The following FRMD3 variants were observed in gnomAD, a reference collection of about 807,000 sequenced individuals.
The protein encoded by FRMD3 is FERM domain-containing protein 3.
FRMD3 carries 33 observed loss-of-function variants against 70.2 expected under a neutral mutation model. The ratio of observed to expected loss-of-function variants is 0.47; its 90% CI spans 0.36 to 0.63. The LOEUF is 0.63. Among genes scored for constraint, FRMD3 ranks in the 20% least tolerant of loss-of-function variants. FRMD3 has a pLI of 0.00. For synonymous variants in FRMD3, 279 were observed against 255.9 expected (o/e 1.09, Z -0.86); for missense variants, 632 against 711.4 (o/e 0.89, Z 1.27).
chr9:83,423,601 TTTTTTTTTTTTTG>T, intron 1 of FRMD3, among the ~76,000 whole-genome samples: 1 of 136,956 alleles, frequency 7.3e-6, no homozygotes. Flanking sequence ...TTTTTTTTTT[TTTTTTTTTTTTTG>T]AGATGGAGTT....
chr9:83,269,303 A>G (rs1833434000), intron 13 of FRMD3, among the ~76,000 whole-genome samples: 1 of 152,230 alleles, frequency 6.6e-6, no homozygotes, highest in Non-Finnish European at 1.5e-5. Context: ...TCCAAAGACA[A>G]AAGAGAAAAC....
intron 1 of FRMD3, among the ~76,000 whole-genome samples, chr9:83,485,760 AC>A (rs1828673222): frequency 6.6e-6 from 1 of 152,194 alleles, no homozygotes; most frequent in East Asian, 1.9e-4. Context: ...TGAAGACCCA[AC>A]TTTCAACTCC....
At chr9:83,454,950 G>A (rs1587869911) in intron 1 of FRMD3, among the ~76,000 whole-genome samples, 1 of 141,526 alleles carries the variant, frequency 7.1e-6, no homozygotes, top group East Asian at 2.0e-4. Context: ...ATCACAGTAA[G>A]ATCCTGTCTC....
chr9:83,554,327 G>A, the FRMD3 span, among the ~76,000 whole-genome samples: 11 of 152,212 alleles, frequency 7.2e-5, no homozygotes, highest in South Asian at 2.1e-4. Context: ...AGCATTCATC[G>A]GCTGCTCACT....
At chr9:83,448,676 GA>G (rs376656304) in intron 1 of FRMD3, among the ~76,000 whole-genome samples, 14 of 150,724 alleles carry the variant, frequency 9.3e-5, no homozygotes, top group African/African-American at 2.2e-4. Context: ...CACAGAGCGG[GA>G]AAAAAAAATG....
In FRMD3 at chr9:83,309,545, G is replaced by A; in HGVS notation, c.917C>T (p.Ala306Val). ...HLWKCGVENQ[A>V]FYKYAKSSQI... is the part of the protein sequence containing the mutation. ...AATAAAAGCCACTTACTTATAAAAG[G>A]CCTGGTTTTCCACTCCACACTTCCA... The change falls in exon 10 of 14, where the codon GCC becomes GTC. Residue 306 changes from alanine (A) to valine (V), a missense_variant. Coordinates refer to ENST00000304195, the MANE Select transcript of FRMD3 (RefSeq NM_174938.6). The A allele has an allele frequency of 6.3e-7, 1 of 1,580,834 alleles. No homozygotes were observed. The highest frequency in any genetic ancestry group is 8.6e-7 in the Non-Finnish European group (1 of 1,161,938).
Position 83,248,447 on chromosome 9 carries a change from C to G in FRMD3, c.1265G>C (p.Arg422Pro). 6.2e-7 allele frequency: 1 copy of G among 1,613,986 alleles called. No homozygotes were observed. Among genetic ancestry groups the G allele is most frequent in the Non-Finnish European group, 8.5e-7 (1 of 1,180,018 alleles). Residue 422 changes from arginine to proline, a missense_variant, in exon 14 of 14, where the codon CGG (arginine) becomes CCG (proline). Around this residue, in one of 3 missense-constraint regions of FRMD3, gnomAD observed 418 missense variants for 442.1 expected, o/e 0.95. Transcript: ENST00000304195. ...TTCACTAGGGGGATCTTCATACTCC[C>G]GGGCTGCCTTCACTGGGGAGCTGGA... is the stretch of plus-strand genomic sequence containing the variant. ...LISSSPVKAA[R>P]EYEDPPSEEE... is the part of the protein sequence containing the mutation.
chr9:83,570,455 G>C, the FRMD3 span, among the ~76,000 whole-genome samples: 4 of 152,176 alleles, frequency 2.6e-5, no homozygotes, highest in South Asian at 6.2e-4. Flanking sequence ...GTTTTCTACT[G>C]TTGCATAACA....
intron 1 of FRMD3, among the ~76,000 whole-genome samples, chr9:83,524,152 T>C (rs1245848076): frequency 1.3e-5 from 2 of 152,258 alleles, no homozygotes; most frequent in Non-Finnish European, 1.5e-5. Flanking sequence ...ATTGCTAGAT[T>C]TTGACTTTCA....
intron 1 of FRMD3, among the ~76,000 whole-genome samples, chr9:83,520,970 CAAAAAAAAAA>C (rs144061788): frequency 7.1e-5 from 4 of 56,154 alleles, no homozygotes; most frequent in African/African-American, 2.7e-4. Flanking sequence ...ACTAAAAATA[CAAAAAAAAAA>C]AAAAAAAAAA....
chr9:83,347,092 A>G (rs1418330874), intron 4 of FRMD3, among the ~76,000 whole-genome samples: 1 of 152,234 alleles, frequency 6.6e-6, no homozygotes, highest in Non-Finnish European at 1.5e-5. Flanking sequence ...TCAAATAACT[A>G]TTTATTGATA....
intron 13 of FRMD3, among the ~76,000 whole-genome samples, chr9:83,250,742 T>C (rs147347971): frequency 1.3e-5 from 2 of 152,306 alleles, no homozygotes; most frequent in Non-Finnish European, 2.9e-5. Flanking sequence ...TCTTGCCAGA[T>C]TGTGGCTGGA....
chr9:83,462,736 C>T (rs1319581426), intron 1 of FRMD3, among the ~76,000 whole-genome samples: 2 of 152,132 alleles, frequency 1.3e-5, no homozygotes, highest in East Asian at 1.9e-4. Flanking sequence ...CCAGCAATTT[C>T]GGCTGCCTCC....
chr9:83,523,986 T>C (rs1829634178), intron 1 of FRMD3, among the ~76,000 whole-genome samples: 1 of 152,256 alleles, frequency 6.6e-6, no homozygotes, highest in South Asian at 2.1e-4. Flanking sequence ...ACCTGAAGTG[T>C]ATTTTCCATC....
At chr9:83,448,785 C>T (rs1018366021) in intron 1 of FRMD3, among the ~76,000 whole-genome samples, 6 of 152,174 alleles carry the variant, frequency 3.9e-5, no homozygotes, top group African/African-American at 9.7e-5. Context: ...ACAAATTTCA[C>T]GTTACCTTGG....
chr9:83,582,477 G>A, the FRMD3 span, among the ~76,000 whole-genome samples: 2 of 152,032 alleles, frequency 1.3e-5, no homozygotes, highest in African/African-American at 2.4e-5. Flanking sequence ...AATAAAGAGT[G>A]GTCTTTTTAT....
At chr9:83,264,183 A>G (rs1319370501) in intron 13 of FRMD3, among the ~76,000 whole-genome samples, 1 of 152,222 alleles carries the variant, frequency 6.6e-6, no homozygotes, top group Non-Finnish European at 1.5e-5. Context: ...GCTTATATGC[A>G]TATTATTCAG....
rs1474917150 is a variant in FRMD3, at chr9:83,372,916, T to C, written c.292A>G (p.Lys98Glu). ...EPNKSIFKQM[K>E]THPPYTMCFR... ...AAAGTCACAGATTGACACTTACTTT[T>C]CATTTGCTTGAAGATGGACTTGTTA... The change falls in exon 3 of 14, where the codon AAA becomes GAA. Residue 98 changes from lysine to glutamate, a missense_variant. This residue lies in a region of FRMD3 where 208 missense variants were observed against 247.7 expected (regional missense o/e 0.84). Transcript: ENST00000304195. 2.5e-6 allele frequency: 4 copies of C among 1,613,278 alleles called. No homozygotes were observed. The highest frequency in any genetic ancestry group is 3.4e-6 in the Non-Finnish European group (4 of 1,179,380).
chr9:83,428,526 T>C (rs562114361), intron 1 of FRMD3, among the ~76,000 whole-genome samples: 9 of 132,180 alleles, frequency 6.8e-5, no homozygotes, highest in Non-Finnish European at 1.2e-4. Flanking sequence ...CACACACACA[T>C]ATATATACAT....
Sources: allele counts gnomAD v4.1 joint callset (sites outside exome capture counted in the v4.1 genomes callset), GRCh38; gene constraint gnomAD v4.1.1; regional missense constraint gnomAD v4.1.1; transcripts MANE v1.5; gene names NCBI Gene and HGNC (gene_info 2026-07-23, HGNC 2026-07-21).